The following MPPED2 variants were observed in gnomAD, a reference collection of about 807,000 sequenced individuals.
MPPED2 encodes the protein metallophosphoesterase MPPED2.
A neutral mutation model predicts 33.0 loss-of-function variants in MPPED2; 5 were observed. The observed-to-expected ratio is 0.15, with a 90% CI of 0.08 to 0.32. The LOEUF (loss-of-function observed/expected upper bound fraction) is 0.32. Among genes scored for constraint, MPPED2 ranks in the 10% least tolerant of loss-of-function variants. The pLI, the probability that MPPED2 is intolerant of heterozygous loss-of-function variation, is 1.00. For missense variants in MPPED2, 275 were observed against 372.1 expected (o/e 0.74, Z 2.15); for synonymous variants, 136 against 141.9 (o/e 0.96, Z 0.29).
At chr11:30,505,392 G>A (rs760663617) in intron 3 of MPPED2, among the ~76,000 whole-genome samples, 17 of 152,130 alleles carry the variant, frequency 1.1e-4, no homozygotes, top group Non-Finnish European at 1.9e-4. Flanking sequence ...TCCCAACCGA[G>A]TATCTCTAAG....
chr11:30,406,127 T>A (rs1215578984), downstream of MPPED2, among the ~76,000 whole-genome samples: 1 of 152,198 alleles, frequency 6.6e-6, no homozygotes, highest in Non-Finnish European at 1.5e-5. Context: ...TTGTTGCAGG[T>A]GGACGGGTTG....
At chr11:30,514,468 G>A (rs1018218640) in intron 3 of MPPED2, among the ~76,000 whole-genome samples, 1 of 152,076 alleles carries the variant, frequency 6.6e-6, no homozygotes, top group Non-Finnish European at 1.5e-5. Context: ...TCATCACTGA[G>A]CCCCTGAATT....
chr11:30,562,078 C>A (rs1956262330), intron 2 of MPPED2, among the ~76,000 whole-genome samples: 1 of 152,246 alleles, frequency 6.6e-6, no homozygotes, highest in South Asian at 2.1e-4. Context: ...TGGAAAAGAC[C>A]TAGAAGCATA....
At chr11:30,538,702 G>C (rs1223406440) in intron 2 of MPPED2, among the ~76,000 whole-genome samples, 2 of 152,056 alleles carry the variant, frequency 1.3e-5, no homozygotes, top group African/African-American at 2.4e-5. Context: ...GTCCAAAGTA[G>C]ACAGCAAGAC....
At chr11:30,506,503 G>A (rs913219210) in intron 3 of MPPED2, among the ~76,000 whole-genome samples, 4 of 152,184 alleles carry the variant, frequency 2.6e-5, no homozygotes, top group African/African-American at 4.8e-5. Flanking sequence ...GATGAAGAAT[G>A]ATATGTTTAT....
chr11:30,412,011 G>A (rs1948125421), intron 6 of MPPED2, among the ~76,000 whole-genome samples: 1 of 151,824 alleles, frequency 6.6e-6, no homozygotes, highest in Non-Finnish European at 1.5e-5. Flanking sequence ...GGGATATGGG[G>A]CAGGTGAGGG....
intron 4 of MPPED2, among the ~76,000 whole-genome samples, chr11:30,491,354 C>T (rs1456106026): frequency 1.3e-5 from 2 of 152,128 alleles, no homozygotes; most frequent in Non-Finnish European, 2.9e-5. Context: ...TGTTTTACAA[C>T]TAAATGAAGA....
chr11:30,563,348 C>G (rs1956311941), intron 2 of MPPED2, among the ~76,000 whole-genome samples: 1 of 152,144 alleles, frequency 6.6e-6, no homozygotes, highest in African/African-American at 2.4e-5. Context: ...CAACGTAGAT[C>G]CCTCGTATGC....
intron 2 of MPPED2, among the ~76,000 whole-genome samples, chr11:30,549,773 C>T (rs1174338464): frequency 6.6e-6 from 1 of 152,102 alleles, no homozygotes; most frequent in East Asian, 1.9e-4. Context: ...CTCTCTTCCT[C>T]ATGAAGAGGT....
chr11:30,555,300 A>G (rs991711379), intron 2 of MPPED2, among the ~76,000 whole-genome samples: 1 of 152,196 alleles, frequency 6.6e-6, no homozygotes, highest in African/African-American at 2.4e-5. Flanking sequence ...AAGCAGTTTT[A>G]GAAACTTACT....
intron 4 of MPPED2, among the ~76,000 whole-genome samples, chr11:30,428,083 G>A (rs965581805): frequency 6.6e-6 from 1 of 152,106 alleles, no homozygotes; most frequent in African/African-American, 2.4e-5. Context: ...CATACGGCCT[G>A]CCTTCTTTCT....
chr11:30,487,061 C>A (rs1390992598), intron 4 of MPPED2, among the ~76,000 whole-genome samples: 2 of 152,210 alleles, frequency 1.3e-5, no homozygotes, highest in Non-Finnish European at 2.9e-5. Context: ...AGGCACTGAG[C>A]TTGCCTAGGG....
chr11:30,430,080 A>G (rs1232742054), intron 4 of MPPED2, among the ~76,000 whole-genome samples: 2 of 152,228 alleles, frequency 1.3e-5, no homozygotes, highest in African/African-American at 4.8e-5. Context: ...TAACAATGAA[A>G]AAGTCAAGAC....
intron 2 of MPPED2, among the ~76,000 whole-genome samples, chr11:30,561,484 AGAT>A (rs1956238746): frequency 6.6e-6 from 1 of 152,178 alleles, no homozygotes; most frequent in Non-Finnish European, 1.5e-5. Flanking sequence ...GTATGTCCTG[AGAT>A]GCTCAGTTTT....
intron 1 of MPPED2, 62 bp from the exon 2 acceptor site, chr11:30,580,556 C>G (rs1270811613): frequency 1.1e-5 from 15 of 1,380,572 alleles, no homozygotes; most frequent in South Asian, 3.5e-5. Context: ...TTCTAAGAGA[C>G]ATAAATTTAA....
intron 2 of MPPED2, among the ~76,000 whole-genome samples, chr11:30,550,022 T>C (rs1033580575): frequency 6.6e-6 from 1 of 152,178 alleles, no homozygotes; most frequent in Non-Finnish European, 1.5e-5. Flanking sequence ...TAGTAGCACC[T>C]ATCAAGCCTT....
intron 2 of MPPED2, among the ~76,000 whole-genome samples, chr11:30,567,988 C>G (rs754721919): frequency 6.6e-6 from 1 of 151,968 alleles, no homozygotes; most frequent in Non-Finnish European, 1.5e-5. Flanking sequence ...CTTAAAGGCA[C>G]GAAAAAACTT....
rs200641482 is a variant in MPPED2 at position 30,536,131 on chromosome 11, G to A, written c.173C>T (p.Thr58Met). 11 of 1,612,328 alleles carry A rather than the reference G, an allele frequency of 6.8e-6. No individual in the cohort carries two copies. The highest frequency in any genetic ancestry group is 1.8e-4 in the Middle Eastern group (1 of 5,688). The change falls in exon 3 of 7, where the codon ACG (threonine) becomes ATG (methionine). Residue 58 changes from threonine to methionine, a missense_variant. Thr to Met is a moderately conservative substitution (Grantham distance 81). Transcript: ENST00000358117. ...TGTGTCTGAGATGCAGACAAACCGC[G>A]TGTGGCCCGCTGGTTTTGGAGTGTC... ...PYDTPKPAGH[T>M]RFVCISDTHS...
In MPPED2 at chr11:30,501,883, A is replaced by C. The variant is rs535236886; in HGVS notation, c.311-6362T>G. Reference sequence around the variant, plus strand: ...CTTATAATGGCTCTGATGAATCACAACACATGAACCCCTAAGGGTCCTCCA... The same window carrying C: ...CTTATAATGGCTCTGATGAATCACACCACATGAACCCCTAAGGGTCCTCCA... On this transcript the variant is annotated intron_variant, in intron 3 of 6. Transcript: ENST00000358117. 5.9e-5 allele frequency among the ~76,000 whole-genome samples: 9 copies of C among 152,300 alleles called. No individual in the cohort carries two copies. In the South Asian group the frequency reaches 8.3e-4, roughly 14 times the overall value.
Sources: allele counts gnomAD v4.1 joint callset (sites outside exome capture counted in the v4.1 genomes callset), GRCh38; gene constraint gnomAD v4.1.1; transcripts MANE v1.5; gene names NCBI Gene and HGNC (gene_info 2026-07-23, HGNC 2026-07-21).